Variants in DLG5 observed in about 807,000 individuals in gnomAD.
DLG5 encodes the protein discs large MAGUK scaffold protein 5, also known as disks large homolog 5.
DLG5 carries 48 observed loss-of-function variants against 189.8 expected under a neutral mutation model. The observed-to-expected ratio is 0.25, with a 90% confidence interval of 0.20 to 0.32. The LOEUF (loss-of-function observed/expected upper bound fraction) is 0.32. Among genes scored for constraint, DLG5 ranks in the 10% least tolerant of loss-of-function variants. DLG5 has a pLI of 1.00. For synonymous variants in DLG5, 1,016 were observed against 1,054.1 expected, an observed-to-expected ratio of 0.96 and a Z score of 0.70; for missense variants, 2,160 against 2,544.7, an observed-to-expected ratio of 0.85 and a Z score of 3.25.
chr10:77,908,735 T>C (rs1193553654), intron 1 of DLG5, among the ~76,000 whole-genome samples: 1 of 151,932 alleles, frequency 6.6e-6, no homozygotes. Context: ...TGGCACTATC[T>C]GTACTACTAG....
intron 1 of DLG5, among the ~76,000 whole-genome samples, chr10:77,874,065 G>A (rs1373300043): frequency 1.3e-5 from 2 of 152,212 alleles, no homozygotes; most frequent in East Asian, 3.9e-4. Context: ...GGACTCACAC[G>A]TGTCAGCCAG....
intron 20 of DLG5, chr10:77,816,079 G>C: frequency 2.2e-6 from 1 of 462,824 alleles, no homozygotes; most frequent in Non-Finnish European, 4.3e-6. Flanking sequence ...CTTCGAATGA[G>C]AGGGAAAAAG....
intron 27 of DLG5, among the ~76,000 whole-genome samples, chr10:77,802,667 G>T (rs767644370): frequency 6.6e-6 from 1 of 152,250 alleles, no homozygotes; most frequent in Non-Finnish European, 1.5e-5. Context: ...GTGAGGCTAA[G>T]ACAGGCGGCT....
intron 3 of DLG5, among the ~76,000 whole-genome samples, chr10:77,856,256 G>T (rs1844221545): frequency 1.3e-5 from 2 of 152,148 alleles, no homozygotes; most frequent in South Asian, 4.1e-4. Context: ...GAAGGCTGAG[G>T]TGGGAGGTTC....
chr10:77,807,065 G>A, intron 25 of DLG5, 137 bp from the exon 26 acceptor site: 2 of 958,228 alleles, frequency 2.1e-6, no homozygotes, highest in South Asian at 1.8e-5. Context: ...ATCGCCGAGG[G>A]TGGTGATTCT....
intron 31 of DLG5, chr10:77,793,247 T>A (rs1179363584): frequency 6.6e-6 from 1 of 152,360 alleles, no homozygotes; most frequent in Non-Finnish European, 1.5e-5. Context: ...TGTGAGGAAT[T>A]GGAAATGAAA....
chr10:77,902,567 C>T (rs1336747268), intron 1 of DLG5, among the ~76,000 whole-genome samples: 1 of 152,156 alleles, frequency 6.6e-6, no homozygotes, highest in Non-Finnish European at 1.5e-5. Flanking sequence ...CCATTAAAAA[C>T]GAGCCATTGA....
chr10:77,792,363 T>C lies in DLG5; in HGVS notation c.*77A>G. The C allele has an allele frequency of 3.6e-6, 5 of 1,379,300 alleles. No homozygotes were observed. The highest frequency in any genetic ancestry group is 1.2e-5 in the South Asian group (1 of 85,998). 85.4% of individuals were successfully genotyped at this position (1,379,300 alleles called of 1,614,324 possible). On this transcript the variant is annotated 3_prime_UTR_variant, in exon 32 of 32. Transcript: ENST00000372391. ...TGTTCATAGACGGACAGACTTCTACTTTCAGTCGCTAGAAAAGAGCTGAGT... is the reference window on the plus strand; with the variant it reads ...TGTTCATAGACGGACAGACTTCTACCTTCAGTCGCTAGAAAAGAGCTGAGT...
intron 1 of DLG5, among the ~76,000 whole-genome samples, chr10:77,923,772 C>G (rs950580797): frequency 1.3e-5 from 2 of 152,170 alleles, no homozygotes; most frequent in African/African-American, 4.8e-5. Flanking sequence ...AAACAAAAGC[C>G]CCCAACACGC....
At chr10:77,891,316 G>A (rs1046180961) in intron 1 of DLG5, among the ~76,000 whole-genome samples, 7 of 152,136 alleles carry the variant, frequency 4.6e-5, no homozygotes, top group Admixed American at 3.9e-4. Context: ...TTTATGTGCC[G>A]CAAGGAGCTC....
intron 9 of DLG5, among the ~76,000 whole-genome samples, chr10:77,831,275 T>C (rs1017545762): frequency 6.6e-6 from 1 of 152,060 alleles, no homozygotes; most frequent in Admixed American, 6.5e-5. Context: ...CGTGGTGGCA[T>C]GTGCCTGTAA....
At position 77,791,385 on chromosome 10, in the gene DLG5, T is replaced by TAC. The variant is rs959524340; in HGVS notation, c.*1054_*1055insGT. ...CCCAAACGAAGACACCCACACTGAG[T>TAC]AGGGTGCATGCCGTGAGTGCTGTAA... On this transcript the variant is annotated 3_prime_UTR_variant, in exon 32 of 32. Coordinates refer to ENST00000372391, the MANE Select transcript of DLG5 (RefSeq NM_004747.4). 1.0e-4 allele frequency: 15 copies of TAC among 150,708 alleles called. No individual in the cohort carries two copies. Among genetic ancestry groups the TAC allele is most frequent in the African/African-American group, 3.4e-4 (14 of 40,916 alleles). The allele number at this position is 150,708 out of a possible 1,614,324, so 9.3% of individuals were successfully genotyped here.
At chr10:77,915,366 T>C (rs1170884465) in intron 1 of DLG5, among the ~76,000 whole-genome samples, 1 of 151,928 alleles carries the variant, frequency 6.6e-6, no homozygotes, top group East Asian at 1.9e-4. Flanking sequence ...GTTTTGGTAC[T>C]CTGAATGAGA....
chr10:77,861,827 T>C (rs895505417), intron 2 of DLG5, among the ~76,000 whole-genome samples: 1 of 152,210 alleles, frequency 6.6e-6, no homozygotes, highest in Non-Finnish European at 1.5e-5. Context: ...GGATTCTCGT[T>C]CCACTTCTCT....
the DLG5 span, among the ~76,000 whole-genome samples, chr10:77,934,845 TTTTTTTGTTTTTTTG>T: frequency 2.2e-5 from 3 of 135,176 alleles, no homozygotes; most frequent in African/African-American, 7.2e-5. Flanking sequence ...TGCTGTTCTT[TTTTTTTGTTTTTTTG>T]TTTTTTTTTT....
intron 1 of DLG5, among the ~76,000 whole-genome samples, chr10:77,901,584 G>A (rs1411893337): frequency 2.0e-5 from 3 of 152,226 alleles, no homozygotes; most frequent in Non-Finnish European, 4.4e-5. Flanking sequence ...CCACGCTGAC[G>A]GGTGGGGAGG....
At chr10:77,839,456 G>A (rs1371656988) in intron 7 of DLG5, among the ~76,000 whole-genome samples, 1 of 152,034 alleles carries the variant, frequency 6.6e-6, no homozygotes, top group Non-Finnish European at 1.5e-5. Flanking sequence ...AGCCGAGATC[G>A]TGCCACTTCA....
chr10:77,851,641 C>T (rs1351592519), intron 5 of DLG5, among the ~76,000 whole-genome samples: 2 of 152,228 alleles, frequency 1.3e-5, no homozygotes, highest in Admixed American at 6.5e-5. Context: ...AAAAATACTT[C>T]TAATAGCTCC....
intron 7 of DLG5, 33 bp downstream of exon 7, chr10:77,841,848 G>T: frequency 6.3e-7 from 1 of 1,588,174 alleles, no homozygotes; most frequent in Non-Finnish European, 8.6e-7. Flanking sequence ...CTGTAGGAGA[G>T]GCTGAAAGCC....
Sources: gnomAD v4.1 joint callset for allele counts (sites outside exome capture counted in the v4.1 genomes callset) on GRCh38, gnomAD v4.1.1 for gene constraint, MANE v1.5 for transcripts, NCBI Gene and HGNC (gene_info 2026-07-23, HGNC 2026-07-21) for gene names.